The following BCO2 variants were observed in gnomAD, a reference collection of about 807,000 sequenced individuals.
The protein encoded by BCO2 is carotenoid-cleaving dioxygenase, mitochondrial.
Under a neutral mutation model 65.8 loss-of-function variants are expected in BCO2, and 56 were observed. The observed-to-expected ratio is 0.85, with a 90% confidence interval of 0.69 to 1.06. The LOEUF (loss-of-function observed/expected upper bound fraction) is 1.06, where lower values mean the gene tolerates loss of function less well. Ranked by LOEUF, BCO2 falls within the 50% of genes least tolerant of loss-of-function variation. The probability of loss-of-function intolerance (pLI) is 0.00; values close to 1 mark genes in which losing one functional copy is unlikely to be tolerated. For missense variants in BCO2, 675 were observed against 698.5 expected, an observed-to-expected ratio of 0.97 and a Z score of 0.38; for synonymous variants, 233 against 242.3, an observed-to-expected ratio of 0.96 and a Z score of 0.36.
intron 8 of BCO2, among the ~76,000 whole-genome samples, chr11:112,209,289 T>A (rs1398087643): frequency 1.3e-5 from 2 of 152,210 alleles, no homozygotes; most frequent in Non-Finnish European, 1.5e-5. Flanking sequence ...ACCACTGATC[T>A]TTTCACTATT....
chr11:112,187,427 A>G (rs931397508), intron 2 of BCO2, among the ~76,000 whole-genome samples: 5 of 151,292 alleles, frequency 3.3e-5, no homozygotes, highest in Middle Eastern at 3.2e-3. Context: ...TTACAAAATG[A>G]TGATTTCCAG....
At chr11:112,193,246 G>A (rs944656372) in intron 2 of BCO2, among the ~76,000 whole-genome samples, 11 of 151,876 alleles carry the variant, frequency 7.2e-5, no homozygotes, top group African/African-American at 2.7e-4. Flanking sequence ...CCAAAGTGCT[G>A]GGATTACAGG....
intron 2 of BCO2, chr11:112,180,701 G>A: frequency 1.3e-6 from 1 of 767,982 alleles, no homozygotes; most frequent in South Asian, 1.4e-5. Context: ...GGAAGGGCGG[G>A]AGGAGAAAAA....
At position 112,214,891 on chromosome 11, in the gene BCO2, C is replaced by T. The variant is rs1363126893; in HGVS notation, c.1462C>T (p.His488Tyr). The T allele has an allele frequency of 6.2e-7, 1 of 1,614,130 alleles. No homozygotes were observed. The highest frequency in any genetic ancestry group is 1.7e-5 in the Admixed American group (1 of 60,024). The change falls in exon 10 of 12, where the codon CAT becomes TAT. Residue 488 changes from histidine to tyrosine, a missense_variant. Coordinates refer to ENST00000357685, the MANE Select transcript of BCO2 (RefSeq NM_031938.7). Reference sequence around the variant, plus strand: ...TTTCTTTTATGGCTGTGGCTTTCGGCATTTAGTGGGGGATTCTCTGATCAA... The same window carrying T: ...TTTCTTTTATGGCTGTGGCTTTCGGTATTTAGTGGGGGATTCTCTGATCAA... ...YHFFYGCGFRHLVGDSLIKVD... is the reference protein window; with the variant it reads ...YHFFYGCGFRYLVGDSLIKVD...
intron 6 of BCO2, 62 bp from the exon 7 acceptor site, chr11:112,200,551 G>C (rs1234104311): frequency 6.8e-7 from 1 of 1,469,588 alleles, no homozygotes; most frequent in Non-Finnish European, 9.3e-7. Flanking sequence ...CCCATAACTG[G>C]CACATTTCAG....
chr11:112,180,095 G>A (rs1866992868), intron 2 of BCO2, among the ~76,000 whole-genome samples: 1 of 152,120 alleles, frequency 6.6e-6, no homozygotes, highest in Admixed American at 6.5e-5. Flanking sequence ...TATATAAAAT[G>A]CTTTTATTTG....
chr11:112,192,710 T>G (rs1407908978), intron 2 of BCO2, among the ~76,000 whole-genome samples: 1 of 148,582 alleles, frequency 6.7e-6, no homozygotes. Context: ...GACGGGGTTT[T>G]GCCATGTTGC....
At chr11:112,201,899 A>G in intron 7 of BCO2, 124 bp from the exon 8 acceptor site, 1 of 759,920 alleles carries the variant, frequency 1.3e-6, no homozygotes, top group Non-Finnish European at 2.0e-6. Context: ...TGGACCTGCC[A>G]CTTCAGAGGG....
intron 7 of BCO2, among the ~76,000 whole-genome samples, chr11:112,201,438 G>T (rs67245191): frequency 0.38 from 57,539 of 151,952 alleles, 11,251 homozygotes; most frequent in South Asian, 0.6. Context: ...GTGAGCCACT[G>T]CGTCTGGCCC....
chr11:112,217,352 T>C (rs559654064), intron 11 of BCO2, among the ~76,000 whole-genome samples: 13 of 152,114 alleles, frequency 8.5e-5, no homozygotes, highest in African/African-American at 2.9e-4. Context: ...TGCTCTTTCT[T>C]TCTCTCTCTC....
intron 2 of BCO2, among the ~76,000 whole-genome samples, chr11:112,189,294 G>C (rs1180034337): frequency 6.6e-6 from 1 of 152,144 alleles, no homozygotes; most frequent in Non-Finnish European, 1.5e-5. Context: ...GGTGAGGCAG[G>C]AGGATTGCTT....
At chr11:112,180,900 A>G (rs375881378) in intron 2 of BCO2, 10 of 1,084,550 alleles carry the variant, frequency 9.2e-6, no homozygotes, top group Non-Finnish European at 8.6e-6. Context: ...ACCAGTGTGT[A>G]TAATGGGAAA....
intron 6 of BCO2, 109 bp downstream of exon 6, chr11:112,199,936 A>AAACT: frequency 7.4e-7 from 1 of 1,347,968 alleles, no homozygotes; most frequent in Non-Finnish European, 1.0e-6. Context: ...CTATGGTGAT[A>AAACT]ATGAGACCAA....
In BCO2 at chr11:112,217,782, G is replaced by A. The variant is rs756419342; in HGVS notation, c.1648G>A (p.Val550Ile). The change falls in exon 12 of 12, where the codon GTT becomes ATT. Residue 550 changes from valine (V) to isoleucine (I), a missense_variant. By Grantham distance (29) the Val-to-Ile change is conservative (BLOSUM62 3). Coordinates refer to ENST00000357685, the MANE Select transcript of BCO2 (RefSeq NM_031938.7). ...PNQNESNFIL[V>I]LDAKNFEELG... Reference sequence around the variant, plus strand: ...CTAGAATGAAAGCAATTTTATCCTAGTTTTGGATGCCAAGAACTTTGAAGA... The same window carrying A: ...CTAGAATGAAAGCAATTTTATCCTAATTTTGGATGCCAAGAACTTTGAAGA... 3 of 1,613,060 alleles carry A rather than the reference G, an allele frequency of 1.9e-6. No individual in the cohort carries two copies.
intron 1 of BCO2, among the ~76,000 whole-genome samples, chr11:112,177,402 G>C (rs182602063): frequency 5.3e-5 from 8 of 152,264 alleles, no homozygotes; most frequent in Admixed American, 5.2e-4. Context: ...AGGTATTTCT[G>C]TTGCAAGTAG....
intron 2 of BCO2, among the ~76,000 whole-genome samples, chr11:112,180,255 A>AT (rs1412568822): frequency 6.6e-6 from 1 of 152,074 alleles, no homozygotes; most frequent in Non-Finnish European, 1.5e-5. Context: ...ACTTTGTGGC[A>AT]TTTTTTTCCC....
intron 7 of BCO2, among the ~76,000 whole-genome samples, chr11:112,201,447 C>T (rs1867732423): frequency 6.6e-6 from 1 of 152,024 alleles, no homozygotes; most frequent in Admixed American, 6.6e-5. Context: ...TGCGTCTGGC[C>T]CAATTCTCTG....
At chr11:112,211,491 G>A (rs1246438850) in intron 8 of BCO2, among the ~76,000 whole-genome samples, 1 of 151,970 alleles carries the variant, frequency 6.6e-6, no homozygotes, top group African/African-American at 2.4e-5. Context: ...TCTAGAAGTG[G>A]AATTGCTAGA....
At position 112,194,653 on chromosome 11, in the gene BCO2, G is replaced by A. The variant is rs747797575; in HGVS notation, c.634G>A (p.Val212Ile). ...DIETLEKTEK[V>I]DWSKFIAVNG... The stretch of plus-strand genomic sequence containing the variant: ...ATCTCCAGTGGTCTCAAATTTGCAG[G>A]TAGATTGGAGCAAATTTATTGCTGT... Residue 212 changes from valine to isoleucine, a missense_variant and splice_region_variant, in exon 5 of 12, where the codon GTA becomes ATA. By Grantham distance (29) the Val-to-Ile change is conservative. Transcript: ENST00000357685. The A allele has an allele frequency of 1.2e-6, 2 of 1,604,082 alleles. No homozygotes were observed. The highest frequency in any genetic ancestry group is 8.5e-7 in the Non-Finnish European group (1 of 1,171,742).
Sources: gnomAD v4.1 joint callset for allele counts (sites outside exome capture counted in the v4.1 genomes callset) on GRCh38, gnomAD v4.1.1 for gene constraint, MANE v1.5 for transcripts, NCBI Gene and HGNC (gene_info 2026-07-23, HGNC 2026-07-21) for gene names.